PDZRN3: variants seen among roughly 807,000 people sequenced by gnomAD.
The protein encoded by PDZRN3 is E3 ubiquitin-protein ligase PDZRN3.
PDZRN3 carries 38 observed loss-of-function variants against 85.7 expected under a neutral mutation model. That is an observed-to-expected ratio of 0.44 (90% confidence interval 0.34 to 0.58). The LOEUF (loss-of-function observed/expected upper bound fraction) is 0.58, where lower values mean the gene tolerates loss of function less well. Ranked by LOEUF, PDZRN3 falls within the 20% of genes least tolerant of loss-of-function variation. The pLI is 0.01. For missense variants in PDZRN3, 1,629 were observed against 1,506.4 expected (o/e 1.08, Z -1.35); for synonymous variants, 759 against 638.0 (o/e 1.19, Z -2.86).
intron 3 of PDZRN3, chr3:73,433,505 C>A: frequency 3.2e-6 from 2 of 616,428 alleles, no homozygotes; most frequent in Admixed American, 3.0e-5. Flanking sequence ...ACAAAAAAGT[C>A]AGAAAGGCTG....
intron 3 of PDZRN3, among the ~76,000 whole-genome samples, chr3:73,404,891 G>A (rs926393678): frequency 1.2e-4 from 19 of 152,194 alleles, no homozygotes; most frequent in Admixed American, 1.2e-3. Context: ...TTAAGTAAAT[G>A]ACAGTTCAGG....
chr3:73,445,925 T>C (rs2106831186), intron 3 of PDZRN3, among the ~76,000 whole-genome samples: 1 of 152,312 alleles, frequency 6.6e-6, no homozygotes, highest in African/African-American at 2.4e-5. Flanking sequence ...CTGATATTAG[T>C]GGGCTTGCTG....
At chr3:73,597,400 C>T (rs901742128) in intron 3 of PDZRN3, among the ~76,000 whole-genome samples, 2 of 152,178 alleles carry the variant, frequency 1.3e-5, no homozygotes, top group African/African-American at 4.8e-5. Flanking sequence ...ATCCTCGGGT[C>T]TTCAAATCAT....
intron 3 of PDZRN3, among the ~76,000 whole-genome samples, chr3:73,419,066 G>A (rs1030110139): frequency 3.9e-5 from 6 of 152,090 alleles, no homozygotes; most frequent in South Asian, 4.1e-4. Flanking sequence ...TCCCTATGAC[G>A]GAGAAAAACC....
At chr3:73,598,723 C>T (rs1055609661) in intron 3 of PDZRN3, among the ~76,000 whole-genome samples, 2 of 152,166 alleles carry the variant, frequency 1.3e-5, no homozygotes, top group East Asian at 3.9e-4. Context: ...CTTACCAGGC[C>T]TTGGGAGCAC....
chr3:73,493,407 TTAAG>T (rs1340836570), intron 3 of PDZRN3, among the ~76,000 whole-genome samples: 2 of 152,098 alleles, frequency 1.3e-5, no homozygotes, highest in African/African-American at 4.8e-5. Context: ...AACTGTAACA[TTAAG>T]TATCACCTCA....
In PDZRN3 at chr3:73,470,636, A is replaced by T. The variant is rs1047703049; in HGVS notation, c.919-66241T>A. ...TCTTGAATAAGAGGGAAATACTCCT[A>T]TGCTCCTTGACAAGTCCTTCTGGAA... is the stretch of plus-strand genomic sequence containing the variant. On this transcript the variant is annotated intron_variant, in intron 3 of 9. Coordinates refer to ENST00000263666, the MANE Select transcript of PDZRN3 (RefSeq NM_015009.3). 3.9e-5 allele frequency among the ~76,000 whole-genome samples: 6 copies of T among 152,178 alleles called. No homozygotes were observed. The East Asian group carries it at 1.2e-3, about 29-fold the overall frequency.
At chr3:73,416,943 G>A (rs1702104085) in intron 3 of PDZRN3, among the ~76,000 whole-genome samples, 1 of 138,856 alleles carries the variant, frequency 7.2e-6, no homozygotes, top group African/African-American at 2.8e-5. Context: ...CCAGGCGGGA[G>A]TGCAGTGGTA....
Position 73,389,867 on chromosome 3 carries a change from G to A in PDZRN3, c.1365C>T (p.Asn455=), listed in dbSNP as rs953144011. Residue 455 remains asparagine (N), a synonymous_variant, in exon 7 of 10, where the codon AAC becomes AAT. Transcript: ENST00000263666. ...IGIYISEIDP[N]SIAAKDGRIR... ...TGCGCCCATCCTTGGCTGCAATGCT[G>A]TTAGGGTCAATCTGAAACACACATG... The A allele has an allele frequency of 6.2e-7, 1 of 1,613,334 alleles. No individual in the cohort carries two copies. Among genetic ancestry groups the A allele is most frequent in the East Asian group, 2.2e-5 (1 of 44,900 alleles).
Position 73,624,093 on chromosome 3 carries a change from A to G in PDZRN3, c.723+10T>C. On this transcript the variant is annotated intron_variant, in intron 1 of 9. Coordinates refer to ENST00000263666, the MANE Select transcript of PDZRN3 (RefSeq NM_015009.3). Reference sequence around the variant, plus strand: ...CTGGCTGGAGGTCGGGGCGGGCAGCAGGCGCCTACCTTGCCGCCGGGCGGC... The same window carrying G: ...CTGGCTGGAGGTCGGGGCGGGCAGCGGGCGCCTACCTTGCCGCCGGGCGGC... 4.2e-6 allele frequency: 6 copies of G among 1,436,144 alleles called. No individual in the cohort carries two copies. Among genetic ancestry groups the G allele is most frequent in the Non-Finnish European group, 5.4e-6 (6 of 1,103,868 alleles). The allele number at this position is 1,436,144 out of a possible 1,614,324, so 89.0% of individuals were successfully genotyped here.
At chr3:73,582,173 C>T (rs554437420) in intron 3 of PDZRN3, among the ~76,000 whole-genome samples, 25 of 152,106 alleles carry the variant, frequency 1.6e-4, no homozygotes, top group African/African-American at 4.1e-4. Flanking sequence ...AAGAAGGCTA[C>T]GGAAGGCTTT....
chr3:73,529,244 T>C (rs1704598426), intron 3 of PDZRN3, among the ~76,000 whole-genome samples: 1 of 152,246 alleles, frequency 6.6e-6, no homozygotes, highest in Non-Finnish European at 1.5e-5. Context: ...TCTAGCTTCT[T>C]GTTTAGTAGC....
intron 1 of PDZRN3, among the ~76,000 whole-genome samples, chr3:73,615,047 G>A (rs2106912844): frequency 6.6e-6 from 1 of 152,158 alleles, no homozygotes; most frequent in East Asian, 1.9e-4. Flanking sequence ...AGAAAAAGGT[G>A]TAGAGAGAAT....
intron 3 of PDZRN3, among the ~76,000 whole-genome samples, chr3:73,513,721 A>G (rs1310576451): frequency 3.3e-5 from 5 of 152,184 alleles, no homozygotes; most frequent in Non-Finnish European, 5.9e-5. Context: ...TACTGAACCA[A>G]CCAAAGAAAT....
chr3:73,457,132 G>A (rs1407575602), intron 3 of PDZRN3, among the ~76,000 whole-genome samples: 1 of 152,100 alleles, frequency 6.6e-6, no homozygotes, highest in African/African-American at 2.4e-5. Flanking sequence ...GAGTGCAGTG[G>A]CGTGATCTCG....
At chr3:73,429,910 T>A (rs530930078) in intron 3 of PDZRN3, among the ~76,000 whole-genome samples, 1 of 152,298 alleles carries the variant, frequency 6.6e-6, no homozygotes, top group South Asian at 2.1e-4. Context: ...CGTAGGAACC[T>A]TTCTCAGGAG....
At chr3:73,473,175 A>C (rs1703380763) in intron 3 of PDZRN3, among the ~76,000 whole-genome samples, 1 of 152,148 alleles carries the variant, frequency 6.6e-6, no homozygotes, top group African/African-American at 2.4e-5. Context: ...ACCTTCCACT[A>C]TGTCTTTTTT....
chr3:73,624,316 G>C lies in PDZRN3; in HGVS notation c.510C>G (p.Asn170Lys). The change falls in exon 1 of 10, where the codon AAC becomes AAG. Residue 170 changes from asparagine to lysine, a missense_variant. Coordinates refer to ENST00000263666, the MANE Select transcript of PDZRN3 (RefSeq NM_015009.3). ...HCCARALRAHNGALQARLGAL... is the reference protein window; with the variant it reads ...HCCARALRAHKGALQARLGAL... ...CGCCCAGGCGGGCCTGGAGCGCGCC[G>C]TTGTGCGCCCGCAGCGCTCGCGCGC... The C allele has an allele frequency of 1.5e-6, 2 of 1,316,442 alleles. No individual in the cohort carries two copies. Among genetic ancestry groups the C allele is most frequent in the Non-Finnish European group, 1.9e-6 (2 of 1,040,384 alleles). 81.5% of individuals were successfully genotyped at this position (1,316,442 alleles called of 1,614,324 possible). A position where few individuals can be genotyped will look rare whatever the true frequency, so the allele number is the denominator to read the frequency against.
chr3:73,533,043 G>A (rs1463198868), intron 3 of PDZRN3, among the ~76,000 whole-genome samples: 1 of 152,126 alleles, frequency 6.6e-6, no homozygotes, highest in Non-Finnish European at 1.5e-5. Context: ...AACTCAATGG[G>A]TCTTTACGTC....
Sources: gnomAD v4.1 joint callset for allele counts (sites outside exome capture counted in the v4.1 genomes callset) on GRCh38, gnomAD v4.1.1 for gene constraint, MANE v1.5 for transcripts, NCBI Gene and HGNC (gene_info 2026-07-23, HGNC 2026-07-21) for gene names.